Variants in USP33 observed in about 807,000 individuals in gnomAD.
The protein encoded by USP33 is ubiquitin specific peptidase 33, also known as ubiquitin carboxyl-terminal hydrolase 33.
Under a neutral mutation model 124.2 loss-of-function variants are expected in USP33, and 46 were observed. That is an observed-to-expected ratio of 0.37 (90% confidence interval 0.29 to 0.47). USP33 has a LOEUF of 0.47. Among genes scored for constraint, USP33 ranks in the 20% least tolerant of loss-of-function variants. The pLI is 0.99. For synonymous variants in USP33, 350 were observed against 352.3 expected, an observed-to-expected ratio of 0.99 and a Z score of 0.07; for missense variants, 851 against 1,070.6, an observed-to-expected ratio of 0.79 and a Z score of 2.86.
intron 21 of USP33, among the ~76,000 whole-genome samples, chr1:77,710,647 G>T (rs1443443877): frequency 1.3e-5 from 2 of 152,126 alleles, no homozygotes; most frequent in Non-Finnish European, 2.9e-5. Context: ...AAAAGCAGGT[G>T]TGTGTGTGTG....
At chr1:77,729,215 T>C (rs887714023) in intron 9 of USP33, among the ~76,000 whole-genome samples, 1 of 151,978 alleles carries the variant, frequency 6.6e-6, no homozygotes, top group Non-Finnish European at 1.5e-5. Flanking sequence ...CAGATAAAAA[T>C]TTTAAAAAAC....
intron 1 of USP33, among the ~76,000 whole-genome samples, chr1:77,756,420 C>T (rs376082038): frequency 5.9e-5 from 9 of 152,208 alleles, no homozygotes; most frequent in African/African-American, 1.9e-4. Context: ...TTTCAGCTCA[C>T]TTCAATGTTT....
chr1:77,718,356 T>C (rs1267176524), intron 16 of USP33, among the ~76,000 whole-genome samples: 1 of 152,228 alleles, frequency 6.6e-6, no homozygotes, highest in Non-Finnish European at 1.5e-5. Context: ...TTTCTAATTT[T>C]ACACTTTAGA....
intron 21 of USP33, 84 bp from the exon 22 acceptor site, chr1:77,701,555 G>T: frequency 8.7e-7 from 1 of 1,156,002 alleles, no homozygotes; most frequent in Non-Finnish European, 1.3e-6. Context: ...TTCAGTGTTT[G>T]ATAACTCAGC....
At position 77,725,717 on chromosome 1, in the gene USP33, A is replaced by C. The variant is rs750520019; in HGVS notation, c.1181T>G (p.Ile394Ser). 3.7e-6 allele frequency: 6 copies of C among 1,614,012 alleles called. No individual in the cohort carries two copies. Among genetic ancestry groups the C allele is most frequent in the Non-Finnish European group, 5.1e-6 (6 of 1,180,022 alleles). The change falls in exon 11 of 24, where the codon ATC becomes AGC. Residue 394 changes from isoleucine to serine, a missense_variant. By Grantham distance (142) the Ile-to-Ser change is moderately radical. Around this residue, in one of 4 missense-constraint regions of USP33, gnomAD observed 207 missense variants for 200.9 expected, o/e 1.03. Coordinates refer to ENST00000370794, the MANE Select transcript of USP33 (RefSeq NM_201624.3). ...ATTAACACCTTCATTTGATGGAAGG[A>C]TCTGTGGTGTAGACAGGTCATTCGA... ...VHSNDLSTPQ[I>S]LPSNEGVNPR...
intron 5 of USP33, among the ~76,000 whole-genome samples, chr1:77,738,701 C>T (rs1243719962): frequency 6.6e-6 from 1 of 152,122 alleles, no homozygotes; most frequent in South Asian, 2.1e-4. Flanking sequence ...AGGATGGTCT[C>T]GATCTCCTGA....
At chr1:77,712,835 T>C (rs529332262) in intron 20 of USP33, among the ~76,000 whole-genome samples, 56 of 152,190 alleles carry the variant, frequency 3.7e-4, no homozygotes, top group Middle Eastern at 3.4e-3. Context: ...TCCAGCCTGG[T>C]TGATGGAGCA....
chr1:77,711,468 T>C (rs1031184508), intron 21 of USP33: 25 of 241,258 alleles, frequency 1.0e-4, no homozygotes, highest in Middle Eastern at 2.7e-3. Flanking sequence ...CAGAGGTTGC[T>C]GTGAGCCGAG....
At position 77,697,390 on chromosome 1, in the gene USP33, G is replaced by A; in HGVS notation, c.2663C>T (p.Pro888Leu). 2 of 1,613,008 alleles carry A rather than the reference G, an allele frequency of 1.2e-6. No individual in the cohort carries two copies. The highest frequency in any genetic ancestry group is 1.7e-6 in the Non-Finnish European group (2 of 1,179,794). The change falls in exon 24 of 24, where the codon CCT becomes CTT. Residue 888 changes from proline to leucine, a missense_variant. Around this residue, in one of 4 missense-constraint regions of USP33, gnomAD observed 142 missense variants for 141.8 expected, o/e 1.00. Coordinates refer to ENST00000370794, the MANE Select transcript of USP33 (RefSeq NM_201624.3). ...ATCTGGATCAACATGAACAACCGGAGGTCGCAGGATAACTTCAGGCCCTCC... is the reference window on the plus strand; with the variant it reads ...ATCTGGATCAACATGAACAACCGGAAGTCGCAGGATAACTTCAGGCCCTCC... The part of the protein sequence containing the change: ...YGGGPEVILR[P>L]PVVHVDPDIL...
At chr1:77,750,037 G>A (rs1365454439) in intron 1 of USP33, among the ~76,000 whole-genome samples, 1 of 152,180 alleles carries the variant, frequency 6.6e-6, no homozygotes, top group South Asian at 2.1e-4. Context: ...AGAATTGGCT[G>A]GGCAGGGCCA....
At chr1:77,718,687 G>C (rs1010544207) in intron 15 of USP33, 46 bp from the exon 16 acceptor site, 2 of 1,456,060 alleles carry the variant, frequency 1.4e-6, no homozygotes, top group East Asian at 2.3e-5. Flanking sequence ...AAAAAACTTA[G>C]TATATTTAAA....
chr1:77,748,792 C>CG (rs71075759), intron 1 of USP33, among the ~76,000 whole-genome samples: 1 of 132,268 alleles, frequency 7.6e-6, no homozygotes, highest in African/African-American at 2.9e-5. Flanking sequence ...CCCCCCCCCC[C>CG]GTGCTTGAAT....
intron 22 of USP33, among the ~76,000 whole-genome samples, chr1:77,700,597 A>C (rs1673895137): frequency 6.6e-6 from 1 of 152,206 alleles, no homozygotes; most frequent in African/African-American, 2.4e-5. Flanking sequence ...AACAGGGTTA[A>C]GACCTTGTCT....
At chr1:77,700,214 A>C (rs1228389528) in intron 22 of USP33, among the ~76,000 whole-genome samples, 1 of 152,194 alleles carries the variant, frequency 6.6e-6, no homozygotes, top group African/African-American at 2.4e-5. Flanking sequence ...AATAAAAATA[A>C]ATTTTTTTAA....
At chr1:77,739,608 G>A (rs970234129) in intron 4 of USP33, among the ~76,000 whole-genome samples, 191 bp from the exon 5 acceptor site, 2 of 152,078 alleles carry the variant, frequency 1.3e-5, no homozygotes, top group Non-Finnish European at 2.9e-5. Flanking sequence ...CAACATCTAA[G>A]CCTACTCTAG....
At chr1:77,701,302 A>AAG in intron 22 of USP33, 67 bp downstream of exon 22, 2 of 1,168,080 alleles carry the variant, frequency 1.7e-6, no homozygotes, top group Admixed American at 2.0e-5. Flanking sequence ...ACAGATATTC[A>AAG]AGAAATACTT....
chr1:77,701,167 T>A (rs990081180), intron 22 of USP33, among the ~76,000 whole-genome samples: 2 of 152,232 alleles, frequency 1.3e-5, no homozygotes, highest in Non-Finnish European at 2.9e-5. Context: ...AGTCCTCTTA[T>A]TCCTGCTATA....
At chr1:77,754,163 G>C (rs2101618163) in intron 1 of USP33, among the ~76,000 whole-genome samples, 1 of 152,220 alleles carries the variant, frequency 6.6e-6, no homozygotes, top group South Asian at 2.1e-4. Context: ...TGCTTCAAAG[G>C]ACAGCAAGCA....
chr1:77,713,886 G>A (rs984892662), intron 19 of USP33, among the ~76,000 whole-genome samples: 1 of 152,090 alleles, frequency 6.6e-6, no homozygotes, highest in Non-Finnish European at 1.5e-5. Context: ...TCCCAAGAAC[G>A]GTAATTATAA....
Sources: allele counts gnomAD v4.1 joint callset (sites outside exome capture counted in the v4.1 genomes callset), GRCh38; gene constraint gnomAD v4.1.1; regional missense constraint gnomAD v4.1.1; transcripts MANE v1.5; gene names NCBI Gene and HGNC (gene_info 2026-07-23, HGNC 2026-07-21).